The following TFDP2 variants were observed in gnomAD, a reference collection of about 807,000 sequenced individuals.
The protein encoded by TFDP2 is transcription factor Dp-2.
A neutral mutation model predicts 59.3 loss-of-function variants in TFDP2; 17 were observed. The ratio of observed to expected loss-of-function variants is 0.29; its 90% CI spans 0.20 to 0.43. The LOEUF (loss-of-function observed/expected upper bound fraction) is 0.43, where lower values mean the gene tolerates loss of function less well. TFDP2 is among the 20% of genes least tolerant of loss of function. The pLI is 1.00. For synonymous variants in TFDP2, 180 were observed against 194.7 expected, an observed-to-expected ratio of 0.92 and a Z score of 0.63; for missense variants, 391 against 528.8, an observed-to-expected ratio of 0.74 and a Z score of 2.56.
At position 141,994,905 on chromosome 3, in the gene TFDP2, A is replaced by G. The variant is rs75569995; in HGVS notation, c.308+115T>C. On this transcript the variant is annotated intron_variant, in intron 5 of 12. Coordinates refer to ENST00000489671, the MANE Select transcript of TFDP2 (RefSeq NM_001178139.2). ...GAAATAAAATAGGTGATTTTAAAGG[A>G]AAAACATTTGTTTTTAAGAACTAAA... The G allele has an allele frequency of 9.4e-5, 83 of 885,686 alleles. No homozygotes were observed. The East Asian group carries it at 2.3e-3, about 25-fold the overall frequency. 54.9% of individuals were successfully genotyped at this position (885,686 alleles called of 1,614,324 possible). A position where few individuals can be genotyped will look rare whatever the true frequency, so the allele number is the denominator to read the frequency against.
chr3:142,109,897 A>G (rs2061595110), intron 1 of TFDP2, among the ~76,000 whole-genome samples: 1 of 151,978 alleles, frequency 6.6e-6, no homozygotes, highest in Admixed American at 6.6e-5. Flanking sequence ...TTTATTTTAG[A>G]GGCAGGGTCT....
chr3:142,046,451 G>A (rs148830498), intron 3 of TFDP2, among the ~76,000 whole-genome samples: 10 of 152,140 alleles, frequency 6.6e-5, no homozygotes, highest in Non-Finnish European at 1.3e-4. Context: ...ATCTGAAAAC[G>A]TACCCCCAAC....
Position 142,149,469 on chromosome 3 carries a change from T to C in TFDP2, c.-379A>G. On this transcript the variant is annotated 5_prime_UTR_variant, in exon 1 of 13. Transcript: ENST00000489671. ...GCCGCAGCCGAGATCGCTACCGATT[T>C]CGTCCGCCCTCTCCCTGCCCAGCTA... is the stretch of plus-strand genomic sequence containing the variant. The C allele has an allele frequency of 2.7e-6, 1 of 368,588 alleles. No individual in the cohort carries two copies. The highest frequency in any genetic ancestry group is 4.8e-6 in the Non-Finnish European group (1 of 207,386). 22.8% of individuals were successfully genotyped at this position (368,588 alleles called of 1,614,324 possible).
At chr3:142,005,404 A>T in intron 4 of TFDP2, 37 bp downstream of exon 4, 1 of 1,484,178 alleles carries the variant, frequency 6.7e-7, no homozygotes, top group Non-Finnish European at 9.3e-7. Context: ...TCTTGGCTAA[A>T]CAAAGTTTCA....
chr3:142,075,045 C>T (rs2060394615), intron 3 of TFDP2, among the ~76,000 whole-genome samples: 2 of 151,992 alleles, frequency 1.3e-5, no homozygotes, highest in East Asian at 3.9e-4. Flanking sequence ...TCTCACGTTA[C>T]ACCATTAAAA....
At chr3:142,021,690 A>G (rs1281828771) in intron 3 of TFDP2, among the ~76,000 whole-genome samples, 1 of 152,006 alleles carries the variant, frequency 6.6e-6, no homozygotes, top group Non-Finnish European at 1.5e-5. Flanking sequence ...GGAGAAAAAC[A>G]TTTTTTCTTC....
At chr3:142,015,217 C>T (rs75780874) in intron 3 of TFDP2, among the ~76,000 whole-genome samples, 4,074 of 152,230 alleles carry the variant, frequency 0.027, 201 homozygotes, top group African/African-American at 0.092. Context: ...TGAGCCCTTC[C>T]TCATGAGATG....
intron 3 of TFDP2, among the ~76,000 whole-genome samples, chr3:142,008,518 G>A (rs1576678117): frequency 6.6e-6 from 1 of 151,888 alleles, no homozygotes; most frequent in Non-Finnish European, 1.5e-5. Context: ...CATTTCCAGA[G>A]AGGCCCCAAT....
intron 7 of TFDP2, among the ~76,000 whole-genome samples, chr3:141,978,203 G>C (rs914224615): frequency 6.6e-6 from 1 of 151,802 alleles, no homozygotes; most frequent in Admixed American, 6.6e-5. Flanking sequence ...AAATTGGCTG[G>C]GAATGGTGGT....
chr3:141,964,742 CT>C (rs2107916390), intron 9 of TFDP2, among the ~76,000 whole-genome samples: 1 of 152,270 alleles, frequency 6.6e-6, no homozygotes, highest in East Asian at 1.9e-4. Context: ...GCTCTGCCAT[CT>C]CTGCCCTCAA....
intron 1 of TFDP2, among the ~76,000 whole-genome samples, chr3:142,140,035 T>A (rs1652364945): frequency 6.6e-6 from 1 of 152,234 alleles, no homozygotes; most frequent in African/African-American, 2.4e-5. Context: ...TTTCACATAG[T>A]CCCATATTTC....
At chr3:142,020,326 G>A (rs1453020351) in intron 3 of TFDP2, among the ~76,000 whole-genome samples, 2 of 152,048 alleles carry the variant, frequency 1.3e-5, no homozygotes, top group African/African-American at 2.4e-5. Context: ...AGGAGGTCAG[G>A]AGTTCAAGAC....
At chr3:142,089,842 C>T (rs1397269946) in intron 3 of TFDP2, among the ~76,000 whole-genome samples, 1 of 151,726 alleles carries the variant, frequency 6.6e-6, no homozygotes, top group East Asian at 1.9e-4. Context: ...ATAATACTTA[C>T]CAGTTTTATA....
chr3:142,081,067 G>A (rs779346372), intron 3 of TFDP2, among the ~76,000 whole-genome samples: 11 of 152,150 alleles, frequency 7.2e-5, no homozygotes, highest in Non-Finnish European at 1.6e-4. Flanking sequence ...TCATTCTCAA[G>A]AGCAGACCAA....
At chr3:141,988,672 T>TC (rs199537101) in intron 6 of TFDP2, among the ~76,000 whole-genome samples, 35 of 125,718 alleles carry the variant, frequency 2.8e-4, no homozygotes, top group African/African-American at 7.3e-4. Flanking sequence ...TTCTTTTCTT[T>TC]TTTTTTTTTT....
intron 3 of TFDP2, among the ~76,000 whole-genome samples, chr3:142,071,243 G>A (rs1047180752): frequency 1.9e-4 from 29 of 151,728 alleles, no homozygotes; most frequent in African/African-American, 7.0e-4. Flanking sequence ...TGCAAGCTCT[G>A]CCTCCTGGGT....
In TFDP2 at chr3:141,993,724, A is replaced by G. The variant is rs1316418379; in HGVS notation, c.309-139T>C. On this transcript the variant is annotated intron_variant, in intron 5 of 12. Transcript: ENST00000489671. ...AAACTAGCAAATACAAAAGATAGGT[A>G]CATAAAATAAATCTTAATTTTATCA... The G allele has an allele frequency of 1.7e-5, 8 of 473,972 alleles. No individual in the cohort carries two copies. In the East Asian group the frequency reaches 2.8e-4, roughly 16 times the overall value. The allele number at this position is 473,972 out of a possible 1,614,324, so 29.4% of individuals were successfully genotyped here.
chr3:141,968,616 A>G (rs1265794008), intron 9 of TFDP2, among the ~76,000 whole-genome samples: 1 of 109,846 alleles, frequency 9.1e-6, no homozygotes, highest in Non-Finnish European at 1.7e-5. Context: ...TATATATCTC[A>G]TATATAGATA....
At chr3:142,000,190 A>G (rs1943647042) in intron 4 of TFDP2, 1 of 676,182 alleles carries the variant, frequency 1.5e-6, no homozygotes. Flanking sequence ...AATTTTCTTT[A>G]AAGTCTTCTG....
Sources: gnomAD v4.1 joint callset for allele counts (sites outside exome capture counted in the v4.1 genomes callset) on GRCh38, gnomAD v4.1.1 for gene constraint, MANE v1.5 for transcripts, NCBI Gene and HGNC (gene_info 2026-07-23, HGNC 2026-07-21) for gene names.